The following CAMK1D variants were observed in gnomAD, a reference collection of about 807,000 sequenced individuals.
CAMK1D encodes calcium/calmodulin-dependent protein kinase type 1D.
CAMK1D carries 9 observed loss-of-function variants against 47.7 expected under a neutral mutation model. That is an observed-to-expected ratio of 0.19 (90% CI 0.11 to 0.33). The LOEUF (loss-of-function observed/expected upper bound fraction) is 0.33. Ranked by LOEUF, CAMK1D falls within the 10% of genes least tolerant of loss-of-function variation. The pLI is 1.00. For synonymous variants in CAMK1D, 184 were observed against 184.9 expected (o/e 0.99, Z 0.04); for missense variants, 291 against 488.7 (o/e 0.60, Z 3.81).
rs1833373246 is a variant in CAMK1D at position 12,829,246 on chromosome 10, AAG to A, written c.*360_*361del. The A allele has an allele frequency of 5.8e-6, 1 of 173,000 alleles. No individual in the cohort carries two copies. Among genetic ancestry groups the A allele is most frequent in the Non-Finnish European group, 1.2e-5 (1 of 81,800 alleles). 10.7% of individuals were successfully genotyped at this position (173,000 alleles called of 1,614,324 possible). On this transcript the variant is annotated 3_prime_UTR_variant, in exon 11 of 11. Transcript: ENST00000619168. ...TTTTTTCATTAATGACAAAAAAAAAAAGGTTTCAACTGGATTATTTAAATATT... is the reference window on the plus strand; with the variant it reads ...TTTTTTCATTAATGACAAAAAAAAAAGTTTCAACTGGATTATTTAAATATT...
chr10:12,516,356 C>T (rs1022200114), intron 1 of CAMK1D, among the ~76,000 whole-genome samples: 2 of 152,202 alleles, frequency 1.3e-5, no homozygotes, highest in Non-Finnish European at 2.9e-5. Context: ...ATCTACCCAC[C>T]TCAGCCTCCC....
chr10:12,555,499 G>A (rs1266341593), intron 2 of CAMK1D, among the ~76,000 whole-genome samples: 1 of 152,204 alleles, frequency 6.6e-6, no homozygotes, highest in Non-Finnish European at 1.5e-5. Context: ...GAGGAGGATT[G>A]CAGGAAATGA....
At chr10:12,745,093 C>T (rs1835603400) in intron 3 of CAMK1D, among the ~76,000 whole-genome samples, 1 of 152,250 alleles carries the variant, frequency 6.6e-6, no homozygotes, top group Non-Finnish European at 1.5e-5. Context: ...CGCAATGGCG[C>T]AATCTCGGCT....
chr10:12,700,937 C>T (rs1385295602), intron 3 of CAMK1D, among the ~76,000 whole-genome samples: 5 of 152,168 alleles, frequency 3.3e-5, no homozygotes, highest in African/African-American at 1.2e-4. Context: ...AAATATCTTT[C>T]TCCACGTATG....
intron 1 of CAMK1D, among the ~76,000 whole-genome samples, chr10:12,417,807 CTT>C (rs34013103): frequency 2.8e-5 from 4 of 145,368 alleles, no homozygotes; most frequent in Non-Finnish European, 1.5e-5. Flanking sequence ...TATTTTTTGC[CTT>C]TTTTTTTTTT....
chr10:12,594,042 G>A (rs1469678878), intron 2 of CAMK1D, among the ~76,000 whole-genome samples: 1 of 152,188 alleles, frequency 6.6e-6, no homozygotes, highest in Non-Finnish European at 1.5e-5. Context: ...CTGGCGTGGT[G>A]GCACATGCCT....
intron 2 of CAMK1D, among the ~76,000 whole-genome samples, chr10:12,664,559 T>G (rs750935416): frequency 6.6e-6 from 1 of 152,224 alleles, no homozygotes; most frequent in Non-Finnish European, 1.5e-5. Context: ...GACTGGACTC[T>G]GGGGCTCAGA....
chr10:12,379,398 A>G (rs765035707), intron 1 of CAMK1D, among the ~76,000 whole-genome samples: 1 of 152,188 alleles, frequency 6.6e-6, no homozygotes, highest in African/African-American at 2.4e-5. Context: ...GAGATAAATC[A>G]TCAGAGTTTC....
intron 3 of CAMK1D, among the ~76,000 whole-genome samples, chr10:12,676,288 G>A (rs912751250): frequency 6.6e-6 from 1 of 152,108 alleles, no homozygotes; most frequent in Non-Finnish European, 1.5e-5. Context: ...ATGGAATAAC[G>A]GAAATATGAG....
At chr10:12,386,012 CTGG>C (rs1295265043) in intron 1 of CAMK1D, among the ~76,000 whole-genome samples, 1 of 152,148 alleles carries the variant, frequency 6.6e-6, no homozygotes, top group African/African-American at 2.4e-5. Context: ...TCCCAAAATG[CTGG>C]GATTACAGGC....
intron 2 of CAMK1D, among the ~76,000 whole-genome samples, chr10:12,622,992 A>T (rs186845205): frequency 2.7e-5 from 4 of 147,760 alleles, no homozygotes; most frequent in African/African-American, 1.0e-4. Flanking sequence ...CCTCCCTCCA[A>T]TCGTCCGTCC....
At chr10:12,804,310 A>G (rs1838617506) in intron 6 of CAMK1D, among the ~76,000 whole-genome samples, 1 of 152,168 alleles carries the variant, frequency 6.6e-6, no homozygotes, top group Admixed American at 6.5e-5. Context: ...TCGATCGACA[A>G]ATATTCATTA....
chr10:12,577,207 C>T (rs1837517355), intron 2 of CAMK1D, among the ~76,000 whole-genome samples: 1 of 152,180 alleles, frequency 6.6e-6, no homozygotes, highest in African/African-American at 2.4e-5. Flanking sequence ...AGGGGAGGTC[C>T]CCGGACACAC....
chr10:12,475,073 G>A (rs1023068054), intron 1 of CAMK1D, among the ~76,000 whole-genome samples: 3 of 152,104 alleles, frequency 2.0e-5, no homozygotes, highest in Non-Finnish European at 4.4e-5. Context: ...GCATGCATGT[G>A]TCTTTATGGT....
chr10:12,675,710 A>C (rs142795634), intron 3 of CAMK1D, among the ~76,000 whole-genome samples: 17 of 151,000 alleles, frequency 1.1e-4, no homozygotes, highest in South Asian at 4.2e-4. Context: ...TTGTTGAAAA[A>C]CTCCCATTGG....
At chr10:12,616,588 G>T (rs1238104831) in intron 2 of CAMK1D, among the ~76,000 whole-genome samples, 6 of 151,544 alleles carry the variant, frequency 4.0e-5, no homozygotes, top group Admixed American at 3.3e-4. Context: ...TGTGATCTCG[G>T]CTCACTGCAA....
intron 3 of CAMK1D, among the ~76,000 whole-genome samples, chr10:12,675,854 C>G (rs1840789308): frequency 6.6e-6 from 1 of 152,220 alleles, no homozygotes; most frequent in Non-Finnish European, 1.5e-5. Flanking sequence ...GGCTTCCTTG[C>G]AATTCCTCAA....
At chr10:12,484,770 A>G (rs1454925408) in intron 1 of CAMK1D, among the ~76,000 whole-genome samples, 2 of 126,476 alleles carry the variant, frequency 1.6e-5, no homozygotes, top group African/African-American at 3.0e-5. Flanking sequence ...AACATGTGGC[A>G]TGTGACTCCA....
At chr10:12,809,413 A>C (rs1435535504) in intron 6 of CAMK1D, among the ~76,000 whole-genome samples, 2 of 152,236 alleles carry the variant, frequency 1.3e-5, no homozygotes, top group Admixed American at 1.3e-4. Flanking sequence ...AAAAATGGAA[A>C]TCAAGATATT....
Sources: allele counts gnomAD v4.1 joint callset (sites outside exome capture counted in the v4.1 genomes callset), GRCh38; gene constraint gnomAD v4.1.1; transcripts MANE v1.5; gene names NCBI Gene and HGNC (gene_info 2026-07-23, HGNC 2026-07-21).